Variants in CCDC175 observed in about 807,000 individuals in gnomAD.
CCDC175 encodes the protein coiled-coil domain containing 175, also known as coiled-coil domain-containing protein 175.
In CCDC175, 100 loss-of-function variants were observed where a neutral mutation model predicts 114.6. The ratio of observed to expected loss-of-function variants is 0.87; its 90% CI spans 0.74 to 1.03. The LOEUF is 1.03. Among genes scored for constraint, CCDC175 ranks in the 50% least tolerant of loss-of-function variants. The pLI, the probability that CCDC175 is intolerant of heterozygous loss-of-function variation, is 0.00. For synonymous variants in CCDC175, 306 were observed against 308.7 expected, an observed-to-expected ratio of 0.99 and a Z score of 0.09; for missense variants, 880 against 917.8, an observed-to-expected ratio of 0.96 and a Z score of 0.53.
intron 16 of CCDC175, 64 bp downstream of exon 16, chr14:59,525,218 A>G: frequency 8.6e-7 from 1 of 1,168,192 alleles, no homozygotes; most frequent in Non-Finnish European, 1.1e-6. Flanking sequence ...TTTCTCTTAT[A>G]ACTATTACAG....
chr14:59,555,567 A>G (rs190990738), intron 7 of CCDC175, among the ~76,000 whole-genome samples: 1 of 151,980 alleles, frequency 6.6e-6, no homozygotes, highest in Non-Finnish European at 1.5e-5. Flanking sequence ...CACAAGGATG[A>G]CCTCTCTCAC....
chr14:59,510,225 T>A (rs1015174350), intron 19 of CCDC175, among the ~76,000 whole-genome samples: 11 of 152,168 alleles, frequency 7.2e-5, no homozygotes, highest in African/African-American at 2.7e-4. Flanking sequence ...TGTTAACATC[T>A]CAGAAGCCCC....
At chr14:59,563,957 A>G (rs17255905) in intron 5 of CCDC175, 98 bp from the exon 6 acceptor site, 433,722 of 740,704 alleles carry the variant, frequency 0.59, 129,508 homozygotes, top group East Asian at 0.81. Context: ...TTCATATTTA[A>G]TCTAAGTATA....
rs34490884 is a variant in CCDC175, at chr14:59,511,548, T to TAAAAAAAAAAAAAAAAA, written c.2142+195_2142+211dup. On this transcript the variant is annotated intron_variant, in intron 18 of 19. Transcript: ENST00000537690. Reference sequence around the variant, plus strand: ...ATTAAGATTTCATAGTGATATTTGGTAAAAAAAAAAAAAAAAAAAGACACA... The same window carrying TAAAAAAAAAAAAAAAAA: ...ATTAAGATTTCATAGTGATATTTGGTAAAAAAAAAAAAAAAAAAAAAAAAAAAAAAAAAAAAGACACA... Among the ~76,000 whole-genome samples, 2 of 94,648 alleles carry TAAAAAAAAAAAAAAAAA rather than the reference T, an allele frequency of 2.1e-5. 1 individual carries two copies. The highest frequency in any genetic ancestry group is 4.0e-5 in the Non-Finnish European group (2 of 50,552). 62.1% of individuals were successfully genotyped at this position (94,648 alleles called of 152,430 possible).
At chr14:59,565,339 G>A (rs1896472684) in intron 4 of CCDC175, 64 bp from the exon 5 acceptor site, 2 of 1,239,718 alleles carry the variant, frequency 1.6e-6, no homozygotes, top group Non-Finnish European at 2.2e-6. Flanking sequence ...TAGTCTGTGT[G>A]GTGAGAAGAG....
At chr14:59,550,710 C>G (rs1895415476) in intron 8 of CCDC175, among the ~76,000 whole-genome samples, 1 of 152,106 alleles carries the variant, frequency 6.6e-6, no homozygotes, top group African/African-American at 2.4e-5. Flanking sequence ...CAGGAAGCAT[C>G]CAGCATGGGA....
At chr14:59,547,104 A>T (rs1895159686) in intron 8 of CCDC175, among the ~76,000 whole-genome samples, 2 of 152,248 alleles carry the variant, frequency 1.3e-5, no homozygotes, top group South Asian at 4.1e-4. Context: ...ATGGCTGAAA[A>T]TTTTGCAGAA....
rs375664705 is a variant in CCDC175 at position 59,556,406 on chromosome 14, T to A, written c.953+4713A>T. ...ATGGTGCTGGGAAAACTGGCTAGCC[T>A]TATGTAGAAAGCTGAAACTGGATCC... is the stretch of plus-strand genomic sequence containing the variant. On this transcript the variant is annotated intron_variant, in intron 7 of 19. Transcript: ENST00000537690. Among the ~76,000 whole-genome samples, 745 of 152,188 alleles carry A rather than the reference T, an allele frequency of 4.9e-3. 9 individuals are homozygous for A. The highest frequency in any genetic ancestry group is 0.017 in the African/African-American group (718 of 41,528).
At chr14:59,545,406 A>T in intron 8 of CCDC175, 107 bp from the exon 9 acceptor site, 1 of 873,166 alleles carries the variant, frequency 1.1e-6, no homozygotes, top group Non-Finnish European at 1.7e-6. Flanking sequence ...TGCTTAGCCC[A>T]CCGTGAATAT....
rs185382429 is a variant in CCDC175 at position 59,527,345 on chromosome 14, C to T, written c.1763-171G>A. On this transcript the variant is annotated intron_variant, in intron 14 of 19. Transcript: ENST00000537690. ...TCCTGTCTGACTCCTCAGAATCAAA[C>T]ATTTTTAACTCTTTTTAGTTGTTTC... Among the ~76,000 whole-genome samples the T allele has an allele frequency of 1.8e-4, 27 of 152,238 alleles. No individual in the cohort carries two copies. The East Asian group carries it at 5.0e-3, about 28-fold the overall frequency.
chr14:59,521,750 A>G, intron 16 of CCDC175, 74 bp from the exon 17 acceptor site: 1 of 830,730 alleles, frequency 1.2e-6, no homozygotes. Context: ...GTCATTCAGC[A>G]AACATGTATA....
At chr14:59,540,782 G>A in intron 10 of CCDC175, 36 bp from the exon 11 acceptor site, 1 of 1,476,268 alleles carries the variant, frequency 6.8e-7, no homozygotes, top group Non-Finnish European at 9.1e-7. Flanking sequence ...TGCATTTATG[G>A]GAGCTGTTAG....
rs1892254690 is a variant in CCDC175 at position 59,505,107 on chromosome 14, T to G, written c.*132A>C. 6.7e-6 allele frequency: 3 copies of G among 451,050 alleles called. No individual in the cohort carries two copies. The South Asian group carries it at 1.6e-4, about 24-fold the overall frequency. The allele number at this position is 451,050 out of a possible 1,614,324, so 27.9% of individuals were successfully genotyped here. A position where few individuals can be genotyped will look rare whatever the true frequency, so the allele number is the denominator to read the frequency against. Reference sequence around the variant, plus strand: ...TAGAAGTTTATTTACTGATACTTGGTGGAGGTTGTGTGAATTAGTTAAATT... The same window carrying G: ...TAGAAGTTTATTTACTGATACTTGGGGGAGGTTGTGTGAATTAGTTAAATT... On this transcript the variant is annotated 3_prime_UTR_variant, in exon 20 of 20. Coordinates refer to ENST00000537690, the MANE Select transcript of CCDC175 (RefSeq NM_001164399.2).
chr14:59,508,723 T>C (rs941416104), intron 19 of CCDC175, among the ~76,000 whole-genome samples: 2 of 152,032 alleles, frequency 1.3e-5, no homozygotes, highest in Non-Finnish European at 2.9e-5. Context: ...CGTGCCCTTA[T>C]CAAAGAGGCC....
At chr14:59,552,187 C>T (rs1338558962) in intron 7 of CCDC175, among the ~76,000 whole-genome samples, 1 of 152,364 alleles carries the variant, frequency 6.6e-6, no homozygotes, top group South Asian at 2.1e-4. Context: ...GGGTCCCTGA[C>T]CCCCGAGTAG....
intron 13 of CCDC175, among the ~76,000 whole-genome samples, chr14:59,536,198 T>C (rs1264629392): frequency 6.6e-6 from 1 of 152,056 alleles, no homozygotes; most frequent in African/African-American, 2.4e-5. Context: ...CACCCCCTTG[T>C]GATTCCTTAG....
At chr14:59,573,843 G>A (rs1896964891) in intron 2 of CCDC175, among the ~76,000 whole-genome samples, 1 of 152,060 alleles carries the variant, frequency 6.6e-6, no homozygotes, top group Non-Finnish European at 1.5e-5. Context: ...TCAGACTCCT[G>A]ACCTCAAGTG....
At chr14:59,560,425 A>G (rs1896163422) in intron 7 of CCDC175, among the ~76,000 whole-genome samples, 1 of 152,134 alleles carries the variant, frequency 6.6e-6, no homozygotes. Flanking sequence ...CAGGAACCAA[A>G]GCTGAGCCAA....
intron 13 of CCDC175, among the ~76,000 whole-genome samples, chr14:59,537,297 T>C (rs1185025161): frequency 2.0e-5 from 3 of 152,130 alleles, no homozygotes; most frequent in Non-Finnish European, 4.4e-5. Flanking sequence ...CAGGATGGGA[T>C]GGGGTGGGGG....
Sources: gnomAD v4.1 joint callset for allele counts (sites outside exome capture counted in the v4.1 genomes callset) on GRCh38, gnomAD v4.1.1 for gene constraint, MANE v1.5 for transcripts, NCBI Gene and HGNC (gene_info 2026-07-23, HGNC 2026-07-21) for gene names.